The following STARD13 variants were observed in gnomAD, a reference collection of about 807,000 sequenced individuals.
The protein encoded by STARD13 is stAR-related lipid transfer protein 13.
STARD13 carries 62 observed loss-of-function variants against 106.4 expected under a neutral mutation model. The observed-to-expected ratio is 0.58, with a 90% CI of 0.48 to 0.72. The LOEUF is 0.72. Among genes scored for constraint, STARD13 ranks in the 30% least tolerant of loss-of-function variants. STARD13 has a pLI of 0.00. For synonymous variants in STARD13, 565 were observed against 553.0 expected, an observed-to-expected ratio of 1.02 and a Z score of -0.31; for missense variants, 1,387 against 1,424.0, an observed-to-expected ratio of 0.97 and a Z score of 0.42.
At chr13:33,281,954 T>C (rs1827283725) in intron 1 of STARD13, among the ~76,000 whole-genome samples, 1 of 152,130 alleles carries the variant, frequency 6.6e-6, no homozygotes, top group South Asian at 2.1e-4. Context: ...CACTGAACCA[T>C]ACATTTAAAA....
chr13:33,217,518 C>T (rs564001090), intron 1 of STARD13, among the ~76,000 whole-genome samples: 7 of 152,198 alleles, frequency 4.6e-5, no homozygotes, highest in Non-Finnish European at 7.3e-5. Context: ...TCTGACTGCA[C>T]GTGTGGTGCA....
chr13:33,252,893 G>A (rs999729640), intron 1 of STARD13, among the ~76,000 whole-genome samples: 1 of 152,170 alleles, frequency 6.6e-6, no homozygotes, highest in Non-Finnish European at 1.5e-5. Context: ...TAGAGAGCTG[G>A]TGGGTTAAAG....
At chr13:33,486,014 A>G in the STARD13 span, among the ~76,000 whole-genome samples, 1 of 152,134 alleles carries the variant, frequency 6.6e-6, no homozygotes, top group African/African-American at 2.4e-5. Context: ...TTCACTGTAG[A>G]CCCTTGACTG....
At chr13:33,128,476 A>G (rs967356897) in intron 5 of STARD13, among the ~76,000 whole-genome samples, 11 of 152,190 alleles carry the variant, frequency 7.2e-5, no homozygotes, top group Admixed American at 5.9e-4. Flanking sequence ...CTTTAAAGCA[A>G]AAACAAACTT....
exon 2 of STARD13, chr13:33,349,010 G>A (rs2078043952): frequency 6.1e-6 from 4 of 652,320 alleles, no homozygotes; most frequent in Non-Finnish European, 1.1e-5. Flanking sequence ...AGGCTGATGA[G>A]GATGTGGGTG....
chr13:33,306,725 G>A (rs9527376), intron 1 of STARD13, among the ~76,000 whole-genome samples: 98,011 of 152,070 alleles, frequency 0.64, 33,743 homozygotes, highest in Non-Finnish European at 0.77. Flanking sequence ...CAAGGTGGGC[G>A]GATCTCTTGA....
the STARD13 span, among the ~76,000 whole-genome samples, chr13:33,478,697 C>T: frequency 1.3e-5 from 2 of 152,124 alleles, no homozygotes. Flanking sequence ...AGGAGGATCA[C>T]TTGAGCCCAG....
the STARD13 span, among the ~76,000 whole-genome samples, chr13:33,548,210 A>G: frequency 6.6e-6 from 1 of 152,206 alleles, no homozygotes; most frequent in South Asian, 2.1e-4. Context: ...AAATGAGCCA[A>G]AGATAGGGGA....
Position 33,163,671 on chromosome 13 carries a change from CATATATATAAAACAT to C in STARD13, c.323+1651_323+1665del, listed in dbSNP as rs1566038743. ...ATATATATAAAACATATATATATAACATATATATAAAACATATATATATATAACATATATATAAAA... is the reference window on the plus strand; with the variant it reads ...ATATATATAAAACATATATATATAACATATATATATAACATATATATAAAA... On this transcript the variant is annotated intron_variant, in intron 3 of 13. Coordinates refer to ENST00000336934, the MANE Select transcript of STARD13 (RefSeq NM_178006.4). Among the ~76,000 whole-genome samples the C allele has an allele frequency of 5.9e-3, 367 of 62,728 alleles. 3 individuals are homozygous for C. The highest frequency in any genetic ancestry group is 8.3e-3 in the Non-Finnish European group (290 of 35,038). The allele number at this position is 62,728 out of a possible 152,430, so 41.2% of individuals were successfully genotyped here.
chr13:33,444,624 C>T, the STARD13 span, among the ~76,000 whole-genome samples: 5 of 151,930 alleles, frequency 3.3e-5, no homozygotes, highest in African/African-American at 1.2e-4. Context: ...AAAAAATTAG[C>T]CAGTGTGATA....
the STARD13 span, among the ~76,000 whole-genome samples, chr13:33,600,247 G>A: frequency 6.6e-6 from 1 of 152,188 alleles, no homozygotes; most frequent in Non-Finnish European, 1.5e-5. Flanking sequence ...TCCTGATAAA[G>A]TGATCAAACA....
the STARD13 span, among the ~76,000 whole-genome samples, chr13:33,509,745 G>A: frequency 6.6e-6 from 1 of 152,192 alleles, no homozygotes; most frequent in African/African-American, 2.4e-5. Flanking sequence ...AGGAGAGGCT[G>A]TGGCATTGCC....
At chr13:33,446,753 G>A in the STARD13 span, among the ~76,000 whole-genome samples, 95 of 152,258 alleles carry the variant, frequency 6.2e-4, no homozygotes, top group Admixed American at 3.1e-3. Flanking sequence ...AAAAACACGA[G>A]TCTTTACTAG....
chr13:33,201,543 CA>C (rs1327209762), intron 1 of STARD13, among the ~76,000 whole-genome samples: 4 of 152,186 alleles, frequency 2.6e-5, no homozygotes, highest in African/African-American at 9.6e-5. Flanking sequence ...CAAGTAGACT[CA>C]AATTTTCTTT....
chr13:33,142,304 A>G lies in STARD13; in HGVS notation c.387+6T>C. 1 of 1,612,042 alleles carries G rather than the reference A, an allele frequency of 6.2e-7. No individual in the cohort carries two copies. The highest frequency in any genetic ancestry group is 8.5e-7 in the Non-Finnish European group (1 of 1,178,118). On this transcript the variant is annotated splice_donor_region_variant and intron_variant, in intron 4 of 13. Transcript: ENST00000336934. Reference sequence around the variant, plus strand: ...GCCACATTCTTATTAAGGTGTGGGCACCTACCTTTTTCCTTTGGAAGTTCA... The same window carrying G: ...GCCACATTCTTATTAAGGTGTGGGCGCCTACCTTTTTCCTTTGGAAGTTCA...
At chr13:33,399,016 T>A in the STARD13 span, among the ~76,000 whole-genome samples, 4 of 152,054 alleles carry the variant, frequency 2.6e-5, no homozygotes, top group African/African-American at 4.8e-5. Flanking sequence ...GGTGAGTAAA[T>A]AAACAAGTTA....
chr13:33,213,856 G>C (rs1371132000), intron 1 of STARD13, among the ~76,000 whole-genome samples: 1 of 152,182 alleles, frequency 6.6e-6, no homozygotes, highest in Non-Finnish European at 1.5e-5. Flanking sequence ...GAGAAATCCA[G>C]AAATCCTTGG....
At chr13:33,339,664 T>C (rs1382973732) in intron 1 of STARD13, among the ~76,000 whole-genome samples, 1 of 152,262 alleles carries the variant, frequency 6.6e-6, no homozygotes, top group African/African-American at 2.4e-5. Context: ...CTTCTTTCTG[T>C]CTAGAAAGAA....
chr13:33,241,668 A>G (rs1594153244), intron 1 of STARD13, among the ~76,000 whole-genome samples: 1 of 151,282 alleles, frequency 6.6e-6, no homozygotes, highest in East Asian at 2.0e-4. Flanking sequence ...AGCCTGCCCA[A>G]TGCCTGGGAT....
Sources: gnomAD v4.1 joint callset for allele counts (sites outside exome capture counted in the v4.1 genomes callset) on GRCh38, gnomAD v4.1.1 for gene constraint, MANE v1.5 for transcripts, NCBI Gene and HGNC (gene_info 2026-07-23, HGNC 2026-07-21) for gene names.